TGM3: variants seen among roughly 807,000 people sequenced by gnomAD.
TGM3 encodes the protein transglutaminase 3.
A neutral mutation model predicts 73.8 loss-of-function variants in TGM3; 52 were observed. That is an observed-to-expected ratio of 0.70 (90% CI 0.56 to 0.89). TGM3 has a LOEUF of 0.89. TGM3 is among the 40% of genes least tolerant of loss of function. TGM3 has a pLI of 0.00. For synonymous variants in TGM3, 372 were observed against 354.9 expected (o/e 1.05, Z -0.54); for missense variants, 928 against 909.9 (o/e 1.02, Z -0.26).
At chr20:2,327,199 A>G (rs6048188) in intron 8 of TGM3, among the ~76,000 whole-genome samples, 12,124 of 152,092 alleles carry the variant, frequency 0.08, 1,578 homozygotes, top group African/African-American at 0.28. Context: ...GGCTGGGCGC[A>G]GTGGCTCACG....
intron 1 of TGM3, among the ~76,000 whole-genome samples, chr20:2,304,084 A>G (rs957848319): frequency 2.6e-5 from 4 of 152,202 alleles, no homozygotes; most frequent in African/African-American, 9.7e-5. Context: ...CATAAGGTGC[A>G]GAAGACAGCC....
intron 7 of TGM3, among the ~76,000 whole-genome samples, chr20:2,320,721 G>T (rs2084258234): frequency 6.6e-6 from 1 of 152,198 alleles, no homozygotes; most frequent in Non-Finnish European, 1.5e-5. Context: ...GGGGAGCTTA[G>T]TTTGGGATGC....
At chr20:2,310,061 G>A in intron 2 of TGM3, 117 bp from the exon 3 acceptor site, 1 of 1,481,146 alleles carries the variant, frequency 6.8e-7, no homozygotes, top group Non-Finnish European at 9.1e-7. Flanking sequence ...ACTTCCAGTG[G>A]TAGAATATGG....
intron 5 of TGM3, 32 bp downstream of exon 5, chr20:2,313,058 G>A: frequency 6.2e-7 from 1 of 1,613,356 alleles, no homozygotes; most frequent in Non-Finnish European, 8.5e-7. Flanking sequence ...ACAGCTAGTT[G>A]TCATCATATA....
intron 7 of TGM3, among the ~76,000 whole-genome samples, chr20:2,317,935 A>G (rs548938934): frequency 4.0e-4 from 56 of 140,620 alleles, no homozygotes; most frequent in Admixed American, 3.8e-3. Flanking sequence ...ATATATATAT[A>G]TATATATCAT....
chr20:2,337,943 A>C (rs2122259134), intron 11 of TGM3, among the ~76,000 whole-genome samples: 1 of 152,336 alleles, frequency 6.6e-6, no homozygotes, highest in East Asian at 1.9e-4. Flanking sequence ...CTTTTTAAAA[A>C]TTTAATCTTT....
intron 1 of TGM3, among the ~76,000 whole-genome samples, chr20:2,300,105 TA>T (rs5839945): frequency 0.72 from 100,141 of 138,836 alleles, 37,734 homozygotes; most frequent in East Asian, 0.92. Flanking sequence ...AGACTCCATT[TA>T]AAAAAAAAAT....
At chr20:2,326,847 T>TAA (rs111733490) in intron 8 of TGM3, among the ~76,000 whole-genome samples, 3 of 145,858 alleles carry the variant, frequency 2.1e-5, no homozygotes, top group African/African-American at 7.4e-5. Flanking sequence ...AGACTCCGTC[T>TAA]AAAAAAAAAA....
At chr20:2,303,377 TG>T (rs2084161311) in intron 1 of TGM3, among the ~76,000 whole-genome samples, 1 of 151,798 alleles carries the variant, frequency 6.6e-6, no homozygotes, top group Non-Finnish European at 1.5e-5. Flanking sequence ...GAGTTGGGGT[TG>T]GCAGGGGCTG....
At chr20:2,333,388 TTTTG>T (rs1387646056) in intron 10 of TGM3, among the ~76,000 whole-genome samples, 3 of 152,080 alleles carry the variant, frequency 2.0e-5, no homozygotes, top group Admixed American at 6.6e-5. Flanking sequence ...GTTTGTTTGT[TTTTG>T]TTTATTTGTT....
chr20:2,300,928 A>G lies in TGM3; in HGVS notation c.7+4858A>G, dbSNP rs193114621. Among the ~76,000 whole-genome samples, 310 of 152,218 alleles carry G rather than the reference A, an allele frequency of 2.0e-3. 6 individuals are homozygous for G. Among genetic ancestry groups the G allele is most frequent in the Admixed American group, 0.02 (310 of 15,294 alleles). ...GATGGGTATATGTTGAATCCCAACA[A>G]TAACCCTAAGAGAGAAGATGTTCCA... On this transcript the variant is annotated intron_variant, in intron 1 of 12. Coordinates refer to ENST00000381458, the MANE Select transcript of TGM3 (RefSeq NM_003245.4).
intron 11 of TGM3, among the ~76,000 whole-genome samples, chr20:2,336,398 C>T (rs2084351572): frequency 6.6e-6 from 1 of 152,038 alleles, no homozygotes; most frequent in Admixed American, 6.6e-5. Context: ...CACCGTCTGC[C>T]CCAGTTGTCT....
chr20:2,329,642 G>A (rs1211898890), intron 9 of TGM3, among the ~76,000 whole-genome samples: 1 of 152,038 alleles, frequency 6.6e-6, no homozygotes, highest in Non-Finnish European at 1.5e-5. Flanking sequence ...CAAGCATAGG[G>A]GGTCAGGGAG....
chr20:2,326,929 A>G (rs1245714889), intron 8 of TGM3, among the ~76,000 whole-genome samples: 2 of 152,128 alleles, frequency 1.3e-5, no homozygotes, highest in African/African-American at 4.8e-5. Flanking sequence ...ACTAACAATA[A>G]AACTTAAGTC....
chr20:2,310,561 G>A (rs2084198473), intron 3 of TGM3, 144 bp downstream of exon 3: 5 of 1,329,524 alleles, frequency 3.8e-6, no homozygotes, highest in Admixed American at 2.4e-5. Flanking sequence ...GAAATGAGGA[G>A]CTCTGACACT....
chr20:2,331,005 C>CAAAAAAAAA (rs59627856), intron 9 of TGM3, among the ~76,000 whole-genome samples: 4 of 65,494 alleles, frequency 6.1e-5, no homozygotes, highest in African/African-American at 9.4e-5. Context: ...GACCCTGTCA[C>CAAAAAAAAA]AAAAAAAAAA....
intron 5 of TGM3, among the ~76,000 whole-genome samples, chr20:2,314,981 C>T (rs2084225544): frequency 6.6e-6 from 1 of 152,152 alleles, no homozygotes; most frequent in Non-Finnish European, 1.5e-5. Context: ...GAGTCTTAGA[C>T]TGAGCCTGGC....
intron 12 of TGM3, 46 bp downstream of exon 12, chr20:2,340,033 C>CGGGGGGGGTGGGGGGGGGGGGGGG: frequency 5.1e-6 from 1 of 196,588 alleles, no homozygotes; most frequent in African/African-American, 5.8e-5. Context: ...CGGGAGGGGG[C>CGGGGGGGGTGGGGGGGGGGGGGGG]GGGGGGGCCC....
chr20:2,323,464 A>G (rs573565121), intron 7 of TGM3, among the ~76,000 whole-genome samples: 1 of 152,278 alleles, frequency 6.6e-6, no homozygotes, highest in South Asian at 2.1e-4. Flanking sequence ...TTATTGATGA[A>G]CTTTTGCTCC....
Sources: gnomAD v4.1 joint callset for allele counts (sites outside exome capture counted in the v4.1 genomes callset) on GRCh38, gnomAD v4.1.1 for gene constraint, MANE v1.5 for transcripts, NCBI Gene and HGNC (gene_info 2026-07-23, HGNC 2026-07-21) for gene names.